The following PRH1 variants were observed in gnomAD, a reference collection of about 807,000 sequenced individuals.
PRH1 encodes the protein proline rich protein HaeIII subfamily 1.
PRH1 carries 7 observed loss-of-function variants against 7.9 expected under a neutral mutation model. That is an observed-to-expected ratio of 0.89 (90% CI 0.50 to 1.67). The LOEUF is 1.67. Ranked by LOEUF, PRH1 falls within the 40% of genes most tolerant of loss-of-function variation. The pLI is 0.00. For synonymous variants in PRH1, 45 were observed against 80.8 expected, an observed-to-expected ratio of 0.56 and a Z score of 2.38; for missense variants, 109 against 223.6, an observed-to-expected ratio of 0.49 and a Z score of 3.27.
upstream of PRH1, chr12:11,048,462 T>C (rs555264862): frequency 4.7e-5 from 18 of 385,862 alleles, no homozygotes; most frequent in Admixed American, 4.0e-4. Context: ...ATCCAAGAGT[T>C]TGGTAAAGCA....
At chr12:11,034,534 C>CAG (rs773845409) in intron 1 of PRH1, among the ~76,000 whole-genome samples, 45,571 of 107,942 alleles carry the variant, frequency 0.42, 10,778 homozygotes, top group Non-Finnish European at 0.5. Context: ...TTATTATTTT[C>CAG]TAAACATTCA....
At chr12:10,903,625 G>A (rs971912186) in intron 2 of PRH1, among the ~76,000 whole-genome samples, 1 of 151,772 alleles carries the variant, frequency 6.6e-6, no homozygotes, top group Non-Finnish European at 1.5e-5. Context: ...AACAAGAAAA[G>A]GGTCCCCACT....
At chr12:11,055,356 G>A (rs1000266647) in intron 1 of PRH1, among the ~76,000 whole-genome samples, 6 of 151,072 alleles carry the variant, frequency 4.0e-5, no homozygotes, top group Non-Finnish European at 8.9e-5. Flanking sequence ...AACATACCAT[G>A]TCTGAATTTT....
chr12:11,014,145 C>T (rs1409742983), intron 1 of PRH1, among the ~76,000 whole-genome samples: 1 of 152,154 alleles, frequency 6.6e-6, no homozygotes, highest in Non-Finnish European at 1.5e-5. Context: ...AGCCTTATTC[C>T]TGTCTGTTGA....
chr12:11,078,685 T>C (rs1439667937), intron 1 of PRH1: 2 of 152,040 alleles, frequency 1.3e-5, no homozygotes, highest in African/African-American at 4.8e-5. Context: ...ACCAAATACA[T>C]ATATCATACA....
chr12:11,101,211 AGGTGTGGT>A (rs1945236878), intron 1 of PRH1, among the ~76,000 whole-genome samples: 1 of 152,194 alleles, frequency 6.6e-6, no homozygotes, highest in African/African-American at 2.4e-5. Context: ...GTTTTGGGCC[AGGTGTGGT>A]GGCTCACACC....
chr12:11,045,325 A>C (rs1460955449), intron 1 of PRH1, among the ~76,000 whole-genome samples: 1 of 151,868 alleles, frequency 6.6e-6, no homozygotes, highest in African/African-American at 2.4e-5. Flanking sequence ...ACCAAAAAAA[A>C]AAAAAAATAG....
intron 1 of PRH1, among the ~76,000 whole-genome samples, chr12:10,998,835 C>T (rs1389521673): frequency 2.0e-5 from 3 of 152,168 alleles, no homozygotes; most frequent in Admixed American, 2.0e-4. Flanking sequence ...TGAGTTCGAT[C>T]ATGTAATTTG....
At chr12:11,034,090 A>G (rs71443606) in intron 1 of PRH1, among the ~76,000 whole-genome samples, 5,954 of 53,210 alleles carry the variant, frequency 0.11, 373 homozygotes, top group Non-Finnish European at 0.16. Context: ...CGCTTGGTCT[A>G]GCCTACTTTG....
At chr12:11,038,597 G>C (rs1942556189) in intron 1 of PRH1, among the ~76,000 whole-genome samples, 1 of 152,120 alleles carries the variant, frequency 6.6e-6, no homozygotes, top group Non-Finnish European at 1.5e-5. Flanking sequence ...GTATTATTCT[G>C]TTGTAAACAT....
intron 1 of PRH1, chr12:11,091,232 A>T: frequency 9.2e-7 from 1 of 1,089,596 alleles, no homozygotes; most frequent in South Asian, 1.5e-5. Context: ...CCAGTAAGAA[A>T]TATAAAATGT....
intron 1 of PRH1, among the ~76,000 whole-genome samples, chr12:11,102,313 CA>C (rs1485355883): frequency 6.6e-6 from 1 of 152,166 alleles, no homozygotes; most frequent in Non-Finnish European, 1.5e-5. Context: ...CTATAGTAAC[CA>C]AAACAGCATG....
At chr12:11,158,692 AAAAG>A (rs1565714579) in intron 1 of PRH1, 1 of 150,622 alleles carries the variant, frequency 6.6e-6, no homozygotes, top group Non-Finnish European at 1.5e-5. Flanking sequence ...AGGACTCCAA[AAAAG>A]AAATTGTTAA....
rs1429204679 is a variant in PRH1 at position 11,057,294 on chromosome 12, AG to A, written n.124-10107del. On this transcript the variant is annotated intron_variant and non_coding_transcript_variant, in intron 1 of 4. Transcript: ENST00000541977. ...ACTACAGGCATGAGCCATCACATCC[AG>A]CCTGCAGGGGGAGGTTTTGAAGGTC... Among the ~76,000 whole-genome samples, 8 of 152,288 alleles carry A rather than the reference AG, an allele frequency of 5.3e-5. No individual in the cohort carries two copies. The East Asian group carries it at 1.5e-3, about 29-fold the overall frequency.
At chr12:11,136,650 C>T (rs2600353) in intron 1 of PRH1, among the ~76,000 whole-genome samples, 69,188 of 151,996 alleles carry the variant, frequency 0.46, 16,554 homozygotes, top group Non-Finnish European at 0.53. Context: ...TTTTATACAG[C>T]AAACATTCAT....
chr12:11,005,734 C>G (rs753715272), intron 1 of PRH1, among the ~76,000 whole-genome samples: 3 of 151,986 alleles, frequency 2.0e-5, no homozygotes, highest in Non-Finnish European at 4.4e-5. Flanking sequence ...TTGAAATAGC[C>G]CTATTTTCCC....
intron 2 of PRH1, among the ~76,000 whole-genome samples, chr12:10,959,495 A>G (rs1938133630): frequency 6.6e-6 from 1 of 152,162 alleles, no homozygotes; most frequent in Non-Finnish European, 1.5e-5. Flanking sequence ...CTTATTTTAT[A>G]CTGTACACAA....
intron 1 of PRH1, chr12:10,973,789 G>A (rs558084007): frequency 8.2e-6 from 6 of 734,066 alleles, no homozygotes; most frequent in African/African-American, 1.7e-5. Context: ...CAAACAAGGA[G>A]GGCCAGCTAA....
intron 2 of PRH1, among the ~76,000 whole-genome samples, chr12:10,910,386 T>C (rs541581082): frequency 6.6e-4 from 101 of 152,258 alleles, no homozygotes; most frequent in African/African-American, 2.2e-3. Context: ...ATTTGGGAGA[T>C]TGAGGCGGGA....
Sources: allele counts gnomAD v4.1 joint callset (sites outside exome capture counted in the v4.1 genomes callset), GRCh38; gene constraint gnomAD v4.1.1; transcripts MANE v1.5; gene names NCBI Gene and HGNC (gene_info 2026-07-23, HGNC 2026-07-21).